Variants in ACSS3 observed in about 807,000 individuals in gnomAD.
The protein encoded by ACSS3 is acyl-CoA synthetase short chain family member 3, also known as acyl-CoA synthetase short-chain family member 3, mitochondrial.
Under a neutral mutation model 84.2 loss-of-function variants are expected in ACSS3, and 64 were observed. That is an observed-to-expected ratio of 0.76 (90% CI 0.62 to 0.94). ACSS3 has a LOEUF of 0.94. Ranked by LOEUF, ACSS3 falls within the 40% of genes least tolerant of loss-of-function variation. The pLI, the probability that ACSS3 is intolerant of heterozygous loss-of-function variation, is 0.00. For synonymous variants in ACSS3, 317 were observed against 310.1 expected (o/e 1.02, Z -0.23); for missense variants, 815 against 867.6 (o/e 0.94, Z 0.76).
At chr12:81,115,118 C>T (rs1356801088) in intron 2 of ACSS3, among the ~76,000 whole-genome samples, 1 of 152,100 alleles carries the variant, frequency 6.6e-6, no homozygotes, top group Non-Finnish European at 1.5e-5. Context: ...CTATTACAAA[C>T]AATGTTGCTA....
At chr12:81,083,403 C>G (rs906293909) in intron 1 of ACSS3, among the ~76,000 whole-genome samples, 8 of 150,592 alleles carry the variant, frequency 5.3e-5, no homozygotes, top group African/African-American at 1.9e-4. Context: ...TGTCACCCAG[C>G]CTGGAGTGCA....
chr12:81,146,885 G>A (rs1030852710), intron 5 of ACSS3, among the ~76,000 whole-genome samples: 2 of 152,030 alleles, frequency 1.3e-5, no homozygotes, highest in African/African-American at 4.8e-5. Context: ...AAAATGTTCA[G>A]TGTCAAAAGA....
At chr12:81,208,588 G>A (rs2032448974) in intron 9 of ACSS3, among the ~76,000 whole-genome samples, 2 of 152,148 alleles carry the variant, frequency 1.3e-5, no homozygotes, top group South Asian at 4.1e-4. Context: ...TTATTGCTTT[G>A]GGTTGGGATC....
At chr12:81,215,184 G>T (rs1201403768) in intron 9 of ACSS3, among the ~76,000 whole-genome samples, 1 of 152,142 alleles carries the variant, frequency 6.6e-6, no homozygotes, top group Non-Finnish European at 1.5e-5. Context: ...AAAATCGGCA[G>T]GAGTATTAGA....
At chr12:81,151,011 G>A (rs1319045428) in intron 5 of ACSS3, among the ~76,000 whole-genome samples, 1 of 152,098 alleles carries the variant, frequency 6.6e-6, no homozygotes, top group South Asian at 2.1e-4. Context: ...ACTCAGTTAT[G>A]TCTTATTGGG....
chr12:81,169,279 TA>T (rs1887546287), intron 7 of ACSS3, among the ~76,000 whole-genome samples: 1 of 152,204 alleles, frequency 6.6e-6, no homozygotes, highest in Non-Finnish European at 1.5e-5. Context: ...TATTTATAAG[TA>T]AATTTTCAAT....
At chr12:81,094,522 T>A (rs1169201179) in intron 1 of ACSS3, 1 of 152,210 alleles carries the variant, frequency 6.6e-6, no homozygotes, top group Non-Finnish European at 1.5e-5. Context: ...TAAGGCTCGA[T>A]GGAAAGGAAA....
chr12:81,129,198 GC>G (rs1565994091), intron 2 of ACSS3, among the ~76,000 whole-genome samples: 1 of 152,128 alleles, frequency 6.6e-6, no homozygotes, highest in African/African-American at 2.4e-5. Context: ...CAACTCAGAT[GC>G]CTACAGAAGA....
intron 2 of ACSS3, among the ~76,000 whole-genome samples, chr12:81,110,410 T>C (rs1883479848): frequency 6.6e-6 from 1 of 152,216 alleles, no homozygotes; most frequent in Non-Finnish European, 1.5e-5. Context: ...TGGATCATGA[T>C]ATTAAGTGAT....
intron 1 of ACSS3, among the ~76,000 whole-genome samples, chr12:81,107,560 A>ATATATAT (rs1256549775): frequency 1.0e-5 from 1 of 98,688 alleles, no homozygotes; most frequent in Non-Finnish European, 2.0e-5. Flanking sequence ...ATATATATAT[A>ATATATAT]AATGTTTTTG....
chr12:81,169,589 T>C (rs2135805556), intron 7 of ACSS3, among the ~76,000 whole-genome samples: 1 of 152,330 alleles, frequency 6.6e-6, no homozygotes, highest in African/African-American at 2.4e-5. Context: ...TTATGATAGT[T>C]AATTCATATA....
At chr12:81,144,935 C>T (rs1256336696) in intron 5 of ACSS3, among the ~76,000 whole-genome samples, 6 of 129,680 alleles carry the variant, frequency 4.6e-5, no homozygotes, top group Non-Finnish European at 6.3e-5. Context: ...CAGTCTCCCT[C>T]TGTTGCCCAG....
intron 5 of ACSS3, among the ~76,000 whole-genome samples, chr12:81,151,019 G>A (rs1886585452): frequency 6.6e-6 from 1 of 151,994 alleles, no homozygotes; most frequent in Admixed American, 6.6e-5. Context: ...ATGTCTTATT[G>A]GGCCAATGAT....
chr12:81,241,192 T>G (rs929423995), intron 13 of ACSS3, among the ~76,000 whole-genome samples: 4 of 152,064 alleles, frequency 2.6e-5, no homozygotes, highest in African/African-American at 9.7e-5. Context: ...TGCATAGTAT[T>G]CCATGGTATA....
chr12:81,230,327 T>C (rs1180240988), intron 11 of ACSS3, among the ~76,000 whole-genome samples: 1 of 151,820 alleles, frequency 6.6e-6, no homozygotes, highest in East Asian at 1.9e-4. Flanking sequence ...TAAACACAGA[T>C]AGATACATAG....
intron 9 of ACSS3, among the ~76,000 whole-genome samples, chr12:81,213,957 C>CTCTTTCTTTATTTCTTTCTT (rs2032783329): frequency 2.0e-5 from 1 of 49,112 alleles, no homozygotes; most frequent in Non-Finnish European, 4.1e-5. Flanking sequence ...CTCCCTCTCT[C>CTCTTTCTTTATTTCTTTCTT]TCTTTCTTTC....
chr12:81,078,983 G>T (rs925532191), intron 1 of ACSS3, among the ~76,000 whole-genome samples: 1 of 152,184 alleles, frequency 6.6e-6, no homozygotes, highest in Non-Finnish European at 1.5e-5. Flanking sequence ...GCCAATGATT[G>T]TGTTGGCTGG....
At chr12:81,109,080 T>G (rs1883337709) in intron 1 of ACSS3, among the ~76,000 whole-genome samples, 1 of 152,222 alleles carries the variant, frequency 6.6e-6, no homozygotes, top group Non-Finnish European at 1.5e-5. Context: ...GCATCACATT[T>G]AACTGAAATA....
At position 81,120,477 on chromosome 12, in the gene ACSS3, A is replaced by G. The variant is rs1231371063; in HGVS notation, c.456+10773A>G. Among the ~76,000 whole-genome samples the G allele has an allele frequency of 2.6e-5, 4 of 152,200 alleles. No homozygotes were observed. The South Asian group carries it at 6.2e-4, about 24-fold the overall frequency. On this transcript the variant is annotated intron_variant, in intron 2 of 15. Coordinates refer to ENST00000548058, the MANE Select transcript of ACSS3 (RefSeq NM_024560.4). ...ACATATGAAACTATAAAATCATTTA[A>G]TCTAGCACAATTTTCATAACAAGTA...
Sources: gnomAD v4.1 joint callset for allele counts (sites outside exome capture counted in the v4.1 genomes callset) on GRCh38, gnomAD v4.1.1 for gene constraint, MANE v1.5 for transcripts, NCBI Gene and HGNC (gene_info 2026-07-23, HGNC 2026-07-21) for gene names.